CPQ: variants seen among roughly 807,000 people sequenced by gnomAD.
CPQ encodes carboxypeptidase Q.
CPQ carries 37 observed loss-of-function variants against 45.7 expected under a neutral mutation model. The observed-to-expected ratio is 0.81, with a 90% CI of 0.62 to 1.07. The LOEUF is 1.07. Ranked by LOEUF, CPQ falls within the 50% of genes least tolerant of loss-of-function variation. CPQ has a pLI of 0.00. For synonymous variants in CPQ, 186 were observed against 205.8 expected, an observed-to-expected ratio of 0.90 and a Z score of 0.82; for missense variants, 537 against 572.9, an observed-to-expected ratio of 0.94 and a Z score of 0.64.
chr8:96,735,027 TTA>T (rs1446600180), intron 1 of CPQ, among the ~76,000 whole-genome samples: 1 of 152,218 alleles, frequency 6.6e-6, no homozygotes, highest in African/African-American at 2.4e-5. Context: ...GCTGTTCTGC[TTA>T]AATGTGACTT....
At chr8:96,732,902 AT>A (rs1220970140) in intron 1 of CPQ, among the ~76,000 whole-genome samples, 3 of 151,952 alleles carry the variant, frequency 2.0e-5, no homozygotes, top group South Asian at 2.1e-4. Context: ...GAAAATTTCT[AT>A]TTTTTTTAAA....
At chr8:96,916,574 C>G (rs1812735746) in intron 4 of CPQ, among the ~76,000 whole-genome samples, 1 of 152,084 alleles carries the variant, frequency 6.6e-6, no homozygotes, top group Admixed American at 6.6e-5. Context: ...AGTTCTCCCA[C>G]TATTAACATT....
At chr8:97,077,290 A>G (rs183551257) in intron 7 of CPQ, among the ~76,000 whole-genome samples, 52 of 152,360 alleles carry the variant, frequency 3.4e-4, no homozygotes, top group African/African-American at 1.2e-3. Context: ...GATGAAAAGT[A>G]TGTGAGAGCC....
At chr8:96,953,814 G>A (rs1226320439) in intron 4 of CPQ, among the ~76,000 whole-genome samples, 3 of 152,020 alleles carry the variant, frequency 2.0e-5, no homozygotes, top group Non-Finnish European at 4.4e-5. Context: ...CAGACAGACC[G>A]CTATCAACTC....
chr8:97,108,103 G>A (rs913081655), intron 7 of CPQ, among the ~76,000 whole-genome samples: 2 of 152,210 alleles, frequency 1.3e-5, no homozygotes, highest in African/African-American at 2.4e-5. Context: ...CCTTGCCAGT[G>A]CTGTTTCAGG....
At chr8:97,115,327 G>T (rs995491416) in intron 7 of CPQ, among the ~76,000 whole-genome samples, 2 of 152,202 alleles carry the variant, frequency 1.3e-5, no homozygotes, top group African/African-American at 4.8e-5. Flanking sequence ...GCAGGGGTGA[G>T]TGTGAGCCTG....
intron 4 of CPQ, among the ~76,000 whole-genome samples, chr8:96,930,255 T>C (rs574676634): frequency 4.7e-4 from 71 of 152,352 alleles, no homozygotes; most frequent in Non-Finnish European, 6.8e-4. Context: ...CAACAAGAAC[T>C]GCTTAGAAGA....
chr8:96,922,105 A>C (rs886097091), intron 4 of CPQ, among the ~76,000 whole-genome samples: 3 of 152,338 alleles, frequency 2.0e-5, no homozygotes, highest in African/African-American at 7.2e-5. Context: ...AGATTAAATT[A>C]CTTAATTCCA....
At chr8:96,782,096 C>T (rs1810694451) in intron 1 of CPQ, among the ~76,000 whole-genome samples, 1 of 152,156 alleles carries the variant, frequency 6.6e-6, no homozygotes, top group South Asian at 2.1e-4. Context: ...ATCTACAGTT[C>T]AGGAGTCTCA....
chr8:96,919,475 C>A (rs984932755), intron 4 of CPQ, among the ~76,000 whole-genome samples: 1 of 152,078 alleles, frequency 6.6e-6, no homozygotes, highest in African/African-American at 2.4e-5. Context: ...TTACTTAAAT[C>A]TAAGAATTTG....
At chr8:97,063,671 A>C (rs1810589927) in intron 6 of CPQ, among the ~76,000 whole-genome samples, 1 of 152,104 alleles carries the variant, frequency 6.6e-6, no homozygotes. Context: ...GTCAAGTTTC[A>C]ACTTCTGCAT....
At chr8:96,934,274 G>C (rs1250456640) in intron 4 of CPQ, among the ~76,000 whole-genome samples, 1 of 152,182 alleles carries the variant, frequency 6.6e-6, no homozygotes, top group Non-Finnish European at 1.5e-5. Flanking sequence ...GATTAAGGAT[G>C]GTAGAGAGAT....
At chr8:96,694,216 C>G (rs1809341577) in intron 1 of CPQ, among the ~76,000 whole-genome samples, 1 of 151,508 alleles carries the variant, frequency 6.6e-6, no homozygotes, top group African/African-American at 2.4e-5. Context: ...AAGAGAAGAC[C>G]ACAAAACAAC....
At chr8:96,763,747 A>G (rs1810434331) in intron 1 of CPQ, among the ~76,000 whole-genome samples, 1 of 152,164 alleles carries the variant, frequency 6.6e-6, no homozygotes, top group Non-Finnish European at 1.5e-5. Context: ...ATACTTCACC[A>G]AAAAAGATAT....
intron 1 of CPQ, among the ~76,000 whole-genome samples, chr8:96,768,285 A>G (rs1257684942): frequency 6.9e-6 from 1 of 145,170 alleles, no homozygotes; most frequent in Non-Finnish European, 1.5e-5. Context: ...ATTTGGCTTA[A>G]CACTTTTTTT....
intron 1 of CPQ, among the ~76,000 whole-genome samples, chr8:96,706,450 G>C (rs1322982544): frequency 6.6e-6 from 1 of 152,068 alleles, no homozygotes; most frequent in African/African-American, 2.4e-5. Context: ...TTGAGGGTTG[G>C]GGGTGAATGT....
chr8:96,860,875 G>A (rs561735627), intron 3 of CPQ, among the ~76,000 whole-genome samples: 2 of 152,102 alleles, frequency 1.3e-5, no homozygotes, highest in East Asian at 1.9e-4. Context: ...AGAAACTGTA[G>A]TATCTATTTT....
chr8:96,901,418 C>A (rs139134228), intron 4 of CPQ, among the ~76,000 whole-genome samples: 81 of 152,242 alleles, frequency 5.3e-4, no homozygotes, highest in Middle Eastern at 6.8e-3. Flanking sequence ...GGGAACCAAG[C>A]CTGCAATGTA....
chr8:96,660,775 C>A (rs1815692420), intron 1 of CPQ, among the ~76,000 whole-genome samples: 1 of 152,078 alleles, frequency 6.6e-6, no homozygotes, highest in Non-Finnish European at 1.5e-5. Context: ...ACTGAAAATT[C>A]TCTTCCTACC....
Sources: gnomAD v4.1 joint callset for allele counts (sites outside exome capture counted in the v4.1 genomes callset) on GRCh38, gnomAD v4.1.1 for gene constraint, MANE v1.5 for transcripts, NCBI Gene and HGNC (gene_info 2026-07-23, HGNC 2026-07-21) for gene names.